Variants in TET2 observed in about 807,000 individuals in gnomAD.
The protein encoded by TET2 is tet methylcytosine dioxygenase 2.
A neutral mutation model predicts 142.9 loss-of-function variants in TET2; 299 were observed. The ratio of observed to expected loss-of-function variants is 2.09; its 90% CI spans 1.90 to 2.30. The LOEUF is 2.30. TET2 is among the 30% of genes most tolerant of loss of function. The pLI, the probability that TET2 is intolerant of heterozygous loss-of-function variation, is 0.00. For synonymous variants in TET2, 819 were observed against 849.0 expected, an observed-to-expected ratio of 0.96 and a Z score of 0.61; for missense variants, 2,418 against 2,378.0, an observed-to-expected ratio of 1.02 and a Z score of -0.35.
chr4:105,268,302 C>T (rs1405972285), intron 8 of TET2, among the ~76,000 whole-genome samples: 2 of 151,920 alleles, frequency 1.3e-5, no homozygotes, highest in Non-Finnish European at 2.9e-5. Context: ...AAAATAGCAT[C>T]AAAATATAAA....
In TET2 at chr4:105,235,667, G is replaced by T. The variant is rs769442121; in HGVS notation, c.1725G>T (p.Ala575=). The change falls in exon 3 of 11, where the codon GCG becomes GCT. Residue 575 remains alanine, a synonymous_variant. Transcript: ENST00000380013. ...IELKAPRFHQ[A]ESHLKRNEAS... Reference sequence around the variant, plus strand: ...TGAAGGCCCCTCGTTTTCACCAAGCGGAATCCCATCTAAAACGTAATGAGG... The same window carrying T: ...TGAAGGCCCCTCGTTTTCACCAAGCTGAATCCCATCTAAAACGTAATGAGG... 1 of 1,613,944 alleles carries T rather than the reference G, an allele frequency of 6.2e-7. No individual in the cohort carries two copies. Among genetic ancestry groups the T allele is most frequent in the Non-Finnish European group, 8.5e-7 (1 of 1,179,990 alleles).
chr4:105,215,857 C>CAG (rs1727461644), intron 2 of TET2, among the ~76,000 whole-genome samples: 1 of 152,118 alleles, frequency 6.6e-6, no homozygotes, highest in Non-Finnish European at 1.5e-5. Context: ...TTTAGCAGAG[C>CAG]AGTGTAGAAT....
intron 8 of TET2, among the ~76,000 whole-genome samples, chr4:105,266,453 C>T (rs542330165): frequency 6.6e-6 from 1 of 151,784 alleles, no homozygotes; most frequent in Non-Finnish European, 1.5e-5. Context: ...GGGGAACAGG[C>T]AGAAATCAAT....
intron 2 of TET2, among the ~76,000 whole-genome samples, chr4:105,195,687 C>T (rs1726044994): frequency 6.7e-6 from 1 of 150,362 alleles, no homozygotes; most frequent in South Asian, 2.1e-4. Context: ...TTAATCTGTA[C>T]ATGTTCATTA....
chr4:105,253,546 GTT>G (rs530780808), intron 6 of TET2, among the ~76,000 whole-genome samples: 2,069 of 141,990 alleles, frequency 0.015, 30 homozygotes, highest in Middle Eastern at 0.06. Context: ...TTTAGATCCA[GTT>G]TTTTTTTTTT....
chr4:105,269,495 T>C, intron 8 of TET2, 115 bp from the exon 9 acceptor site: 1 of 1,092,834 alleles, frequency 9.2e-7, no homozygotes, highest in Non-Finnish European at 1.3e-6. Flanking sequence ...TTTCTGGATA[T>C]ATATTTAAGT....
In TET2 at chr4:105,243,576, C is replaced by T. The variant is rs1373336171; in HGVS notation, c.3601C>T (p.Arg1201Cys). The T allele has an allele frequency of 6.4e-7, 1 of 1,551,284 alleles. No individual in the cohort carries two copies. Among genetic ancestry groups the T allele is most frequent in the South Asian group, 1.2e-5 (1 of 84,000 alleles). The change falls in exon 6 of 11, where the codon CGC becomes TGC. Residue 1201 changes from arginine (R) to cysteine (C), a missense_variant. Arg to Cys is a radical substitution (Grantham distance 180). Transcript: ENST00000380013. ...GGAATGGTGATCCACGCAGGTGGTTCGCAGAAGCAGCAGTGAAGAGAAGCT... is the reference window on the plus strand; with the variant it reads ...GGAATGGTGATCCACGCAGGTGGTTTGCAGAAGCAGCAGTGAAGAGAAGCT... ...QGCPIAKWVVRRSSSEEKLLC... is the reference protein window; with the variant it reads ...QGCPIAKWVVCRSSSEEKLLC...
At chr4:105,214,701 AACTC>A (rs1727388457) in intron 2 of TET2, among the ~76,000 whole-genome samples, 3 of 151,756 alleles carry the variant, frequency 2.0e-5, no homozygotes, top group South Asian at 4.2e-4. Context: ...CCTCCATAAA[AACTC>A]AGGAGGATTG....
intron 1 of TET2, among the ~76,000 whole-genome samples, chr4:105,188,446 G>A (rs1428981454): frequency 6.6e-6 from 1 of 152,192 alleles, no homozygotes; most frequent in Admixed American, 6.5e-5. Context: ...ATGGGTGGCA[G>A]TGATGGTTGC....
chr4:105,238,249 G>T, intron 3 of TET2: 1 of 237,000 alleles, frequency 4.2e-6, no homozygotes, highest in East Asian at 6.5e-5. Context: ...AGTATTGATC[G>T]CTGTGGACTG....
At chr4:105,272,532 G>A (rs942314990) in intron 9 of TET2, 32 bp from the exon 10 acceptor site, 6 of 1,408,060 alleles carry the variant, frequency 4.3e-6, no homozygotes, top group Non-Finnish European at 5.7e-6. Flanking sequence ...GGGACCTGTA[G>A]TTGAGGCTGT....
At position 105,187,488 on chromosome 4, in the gene TET2, A is replaced by G. The variant is rs1401033959; in HGVS notation, c.-192-2872A>G. Among the ~76,000 whole-genome samples the G allele has an allele frequency of 2.0e-5, 3 of 152,204 alleles. No individual in the cohort carries two copies. In the East Asian group the frequency reaches 5.8e-4, roughly 29 times the overall value. On this transcript the variant is annotated intron_variant, in intron 1 of 10. Coordinates refer to ENST00000380013, the MANE Select transcript of TET2 (RefSeq NM_001127208.3). ...CCTGCCTGATGAATATTTATTTGGA[A>G]TACATAAGTTTTTTCAAATGCATCA... is the stretch of plus-strand genomic sequence containing the variant.
At position 105,243,434 on chromosome 4, in the gene TET2, C is replaced by G. The variant is rs1358848997; in HGVS notation, c.3595-136C>G. 44 of 785,986 alleles carry G rather than the reference C, an allele frequency of 5.6e-5. 1 individual carries two copies. The South Asian group carries it at 6.2e-4, about 11-fold the overall frequency. 48.7% of individuals were successfully genotyped at this position (785,986 alleles called of 1,614,324 possible). A position where few individuals can be genotyped will look rare whatever the true frequency, so the allele number is the denominator to read the frequency against. On this transcript the variant is annotated intron_variant, in intron 5 of 10. Transcript: ENST00000380013. ...GGCAGCAAAAGGCACATTGGACATG[C>G]TGATAAATGTTGCCCTAATTGTGAT...
intron 2 of TET2, among the ~76,000 whole-genome samples, chr4:105,224,058 A>G (rs2110595500): frequency 6.6e-6 from 1 of 152,270 alleles, no homozygotes; most frequent in African/African-American, 2.4e-5. Context: ...CAACTATACA[A>G]ATCTATAAAT....
rs1310588001 is a variant in TET2, at chr4:105,209,064, T to TATATAC, written c.-47+18564_-47+18565insCATATA. 3.8e-5 allele frequency among the ~76,000 whole-genome samples: 3 copies of TATATAC among 78,268 alleles called. No homozygotes were observed. In the East Asian group the frequency reaches 1.3e-3, roughly 34 times the overall value. 51.3% of individuals were successfully genotyped at this position (78,268 alleles called of 152,430 possible). A position where few individuals can be genotyped will look rare whatever the true frequency, so the allele number is the denominator to read the frequency against. On this transcript the variant is annotated intron_variant, in intron 2 of 10. Transcript: ENST00000380013. ...TCAAGGCATGGTATATATATATATA[T>TATATAC]ATATATATATATATATATATATATA...
intron 1 of TET2, among the ~76,000 whole-genome samples, chr4:105,163,116 CTT>C (rs1723940509): frequency 6.6e-6 from 1 of 152,112 alleles, no homozygotes; most frequent in Admixed American, 6.5e-5. Flanking sequence ...GTATTTTAAA[CTT>C]TTTCCTACTT....
chr4:105,194,187 A>G (rs1725947413), intron 2 of TET2, among the ~76,000 whole-genome samples: 1 of 152,176 alleles, frequency 6.6e-6, no homozygotes, highest in Non-Finnish European at 1.5e-5. Flanking sequence ...GAATAGGATT[A>G]GAAGGTTTGA....
At position 105,276,833 on chromosome 4, in the gene TET2, T is replaced by C; in HGVS notation, c.*314T>C. 1 of 254,362 alleles carries C rather than the reference T, an allele frequency of 3.9e-6. No individual in the cohort carries two copies. The highest frequency in any genetic ancestry group is 7.2e-6 in the Non-Finnish European group (1 of 139,788). The allele number at this position is 254,362 out of a possible 1,614,324, so 15.8% of individuals were successfully genotyped here. A position where few individuals can be genotyped will look rare whatever the true frequency, so the allele number is the denominator to read the frequency against. ...ATTATTGGACGAGATGATATGTAAA[T>C]GTGATCCCCCCCCCCCGCTTACAAC... On this transcript the variant is annotated 3_prime_UTR_variant, in exon 11 of 11. Transcript: ENST00000380013.
Position 105,247,455 on chromosome 4 carries a change from A to G in TET2, c.3803+3677A>G, listed in dbSNP as rs538741557. ...TGTCCATTGTCTGGGATAGCTATTA[A>G]ATAAAACTTCCTCTCATAAAATTCT... On this transcript the variant is annotated intron_variant, in intron 6 of 10. Coordinates refer to ENST00000380013, the MANE Select transcript of TET2 (RefSeq NM_001127208.3). 2.0e-5 allele frequency among the ~76,000 whole-genome samples: 3 copies of G among 152,302 alleles called. No homozygotes were observed. The South Asian group carries it at 6.2e-4, about 32-fold the overall frequency.
Sources: allele counts gnomAD v4.1 joint callset (sites outside exome capture counted in the v4.1 genomes callset), GRCh38; gene constraint gnomAD v4.1.1; transcripts MANE v1.5; gene names NCBI Gene and HGNC (gene_info 2026-07-23, HGNC 2026-07-21).